Variants in KCNT2 observed in about 807,000 individuals in gnomAD.
KCNT2 encodes potassium channel subfamily T member 2.
In KCNT2, 67 loss-of-function variants were observed where a neutral mutation model predicts 153.8. That is an observed-to-expected ratio of 0.44 (90% CI 0.36 to 0.53). The LOEUF (loss-of-function observed/expected upper bound fraction) is 0.53, where lower values mean the gene tolerates loss of function less well. Ranked by LOEUF, KCNT2 falls within the 20% of genes least tolerant of loss-of-function variation. The pLI is 0.00. For synonymous variants in KCNT2, 500 were observed against 458.8 expected (o/e 1.09, Z -1.15); for missense variants, 975 against 1,354.8 (o/e 0.72, Z 4.40).
chr1:196,406,718 A>G (rs1401582015), intron 12 of KCNT2, among the ~76,000 whole-genome samples: 2 of 151,442 alleles, frequency 1.3e-5, no homozygotes, highest in Non-Finnish European at 3.0e-5. Context: ...TTAACAGTAT[A>G]TCTGGGACTG....
chr1:196,371,752 C>T (rs1372135890), intron 14 of KCNT2, among the ~76,000 whole-genome samples: 1 of 151,974 alleles, frequency 6.6e-6, no homozygotes, highest in Non-Finnish European at 1.5e-5. Context: ...TTCTTTTTCA[C>T]CAGGCAATAC....
chr1:196,280,959 G>T lies in KCNT2; in HGVS notation c.2811C>A (p.Ile937=), dbSNP rs776647492. 1.2e-6 allele frequency: 2 copies of T among 1,611,034 alleles called. No homozygotes were observed. Among genetic ancestry groups the T allele is most frequent in the Admixed American group, 3.3e-5 (2 of 59,998 alleles). Residue 937 remains isoleucine, a synonymous_variant, in exon 25 of 28, where the codon ATC becomes ATA. Transcript: ENST00000294725. ...SMKITADDLW[I]RTYARLYQKL... ...TCTGATAAAGTCTGGCATAAGTTCT[G>T]ATCCATAAGTCATCTGCAGTGATTT...
intron 14 of KCNT2, among the ~76,000 whole-genome samples, chr1:196,347,357 A>G (rs1294371033): frequency 6.6e-6 from 1 of 152,174 alleles, no homozygotes; most frequent in Admixed American, 6.6e-5. Flanking sequence ...TGAGGGAGAA[A>G]TAATTACATA....
intron 1 of KCNT2, among the ~76,000 whole-genome samples, chr1:196,605,701 C>T (rs572813493): frequency 6.6e-6 from 1 of 151,836 alleles, no homozygotes; most frequent in African/African-American, 2.4e-5. Flanking sequence ...GCTATCCAGG[C>T]GTAATTGCAA....
chr1:196,269,393 TAC>T (rs1206475005), intron 25 of KCNT2, among the ~76,000 whole-genome samples: 1 of 152,016 alleles, frequency 6.6e-6, no homozygotes, highest in Non-Finnish European at 1.5e-5. Context: ...GTGTAAAACC[TAC>T]ACACTACAAG....
intron 12 of KCNT2, among the ~76,000 whole-genome samples, chr1:196,408,233 G>A (rs893439093): frequency 4.6e-5 from 7 of 151,320 alleles, no homozygotes; most frequent in African/African-American, 1.5e-4. Context: ...TAAAATGGAC[G>A]AAAGTTTTAC....
chr1:196,307,284 C>A (rs1661722916), intron 21 of KCNT2, among the ~76,000 whole-genome samples: 1 of 152,008 alleles, frequency 6.6e-6, no homozygotes, highest in Non-Finnish European at 1.5e-5. Context: ...GATGTTATTT[C>A]TGCCTGAAAT....
At chr1:196,605,245 T>C (rs551283065) in intron 1 of KCNT2, among the ~76,000 whole-genome samples, 2 of 152,268 alleles carry the variant, frequency 1.3e-5, no homozygotes, top group South Asian at 2.1e-4. Flanking sequence ...TGAGATAGGA[T>C]TGCAGCAAAA....
intron 1 of KCNT2, among the ~76,000 whole-genome samples, chr1:196,507,843 G>A (rs923797037): frequency 6.6e-5 from 10 of 151,930 alleles, no homozygotes; most frequent in African/African-American, 2.2e-4. Flanking sequence ...ATAATCTATA[G>A]ATTCCATAAG....
rs763470642 is a variant in KCNT2, at chr1:196,429,733, T to C, written c.663A>G (p.Glu221=). 5 of 1,605,716 alleles carry C rather than the reference T, an allele frequency of 3.1e-6. No individual in the cohort carries two copies. The South Asian group carries it at 3.4e-5, about 11-fold the overall frequency. The change falls in exon 9 of 28, where the codon GAA becomes GAG. Residue 221 remains glutamate (E), a synonymous_variant. Transcript: ENST00000294725. ...FTCICGIQHL[E]RIGKKLNLFD... is the part of the protein sequence containing the mutation. ...AGAGATTCAGCTTCTTTCCTATTCG[T>C]TCCAGATGTTGGATCCCACAAATGC...
intron 14 of KCNT2, among the ~76,000 whole-genome samples, chr1:196,366,697 C>T (rs959871390): frequency 6.6e-6 from 1 of 152,056 alleles, no homozygotes; most frequent in Non-Finnish European, 1.5e-5. Flanking sequence ...TAATTTTTCT[C>T]CATAGCACTA....
At chr1:196,501,394 C>T (rs1231938632) in intron 1 of KCNT2, among the ~76,000 whole-genome samples, 1 of 152,044 alleles carries the variant, frequency 6.6e-6, no homozygotes, top group Non-Finnish European at 1.5e-5. Flanking sequence ...CAATGGAATA[C>T]TGTTTGGGTA....
At chr1:196,553,839 GT>G (rs375606303) in intron 1 of KCNT2, among the ~76,000 whole-genome samples, 2 of 151,218 alleles carry the variant, frequency 1.3e-5, no homozygotes, top group East Asian at 3.9e-4. Context: ...TATGAAAGGT[GT>G]AAAAACACAT....
chr1:196,569,172 T>G (rs927511579), intron 1 of KCNT2, among the ~76,000 whole-genome samples: 3 of 152,200 alleles, frequency 2.0e-5, no homozygotes, highest in Admixed American at 6.5e-5. Flanking sequence ...TAATTTGATT[T>G]TTATGTTGTT....
At chr1:196,578,807 T>C (rs1661678340) in intron 1 of KCNT2, among the ~76,000 whole-genome samples, 1 of 152,164 alleles carries the variant, frequency 6.6e-6, no homozygotes, top group Admixed American at 6.6e-5. Context: ...CAGCAAATCC[T>C]GTCGATTCAT....
chr1:196,384,132 C>T (rs980952447), intron 13 of KCNT2, among the ~76,000 whole-genome samples: 1 of 152,090 alleles, frequency 6.6e-6, no homozygotes, highest in Admixed American at 6.5e-5. Context: ...ATCAAATCAT[C>T]ACATTGTACA....
chr1:196,419,448 C>T (rs1343759387), intron 12 of KCNT2, among the ~76,000 whole-genome samples: 3 of 149,722 alleles, frequency 2.0e-5, no homozygotes, highest in Non-Finnish European at 4.4e-5. Context: ...GTTTTTTGTC[C>T]TTGCGATAGT....
At chr1:196,586,007 T>G (rs1267400584) in intron 1 of KCNT2, among the ~76,000 whole-genome samples, 1 of 152,106 alleles carries the variant, frequency 6.6e-6, no homozygotes, top group Non-Finnish European at 1.5e-5. Flanking sequence ...ATCCCAGAAC[T>G]TTGGGAGGCC....
chr1:196,469,892 A>T (rs898801409), intron 5 of KCNT2, among the ~76,000 whole-genome samples: 1 of 152,160 alleles, frequency 6.6e-6, no homozygotes, highest in Non-Finnish European at 1.5e-5. Flanking sequence ...GGCAATTTGA[A>T]ATCTGCTATA....
Sources: gnomAD v4.1 joint callset for allele counts (sites outside exome capture counted in the v4.1 genomes callset) on GRCh38, gnomAD v4.1.1 for gene constraint, MANE v1.5 for transcripts, NCBI Gene and HGNC (gene_info 2026-07-23, HGNC 2026-07-21) for gene names.